DYNC2I1: variants seen among roughly 807,000 people sequenced by gnomAD.
The protein encoded by DYNC2I1 is dynein 2 intermediate chain 1, also known as cytoplasmic dynein 2 intermediate chain 1.
DYNC2I1 carries 89 observed loss-of-function variants against 133.4 expected under a neutral mutation model. The ratio of observed to expected loss-of-function variants is 0.67; its 90% CI spans 0.56 to 0.80. The LOEUF (loss-of-function observed/expected upper bound fraction) is 0.80. Ranked by LOEUF, DYNC2I1 falls within the 30% of genes least tolerant of loss-of-function variation. DYNC2I1 has a pLI of 0.00. For missense variants in DYNC2I1, 1,291 were observed against 1,314.5 expected (o/e 0.98, Z 0.28); for synonymous variants, 504 against 484.3 (o/e 1.04, Z -0.54).
At chr7:158,852,038 A>G (rs1004189828), upstream of DYNC2I1, among the ~76,000 whole-genome samples, 1 of 152,150 alleles carries the variant, frequency 6.6e-6, no homozygotes, top group Admixed American at 6.5e-5. Flanking sequence ...ATCTGTTTTC[A>G]TGGCCAGTGC....
At chr7:158,956,939 C>G (rs920635370), downstream of DYNC2I1, among the ~76,000 whole-genome samples, 30 of 152,264 alleles carry the variant, frequency 2.0e-4, no homozygotes, top group Middle Eastern at 3.4e-3. Flanking sequence ...ACGGGCAGGG[C>G]TCCCGTGAGC....
At chr7:158,916,098 G>A (rs6977594) in intron 14 of DYNC2I1, among the ~76,000 whole-genome samples, 3,918 of 42,430 alleles carry the variant, frequency 0.092, 1,691 homozygotes, top group East Asian at 0.38. Context: ...ATTGTGAAAC[G>A]TCGACACGCT....
At chr7:158,844,292 C>T in the DYNC2I1 span, among the ~76,000 whole-genome samples, 1 of 151,694 alleles carries the variant, frequency 6.6e-6, no homozygotes, top group African/African-American at 2.4e-5. Flanking sequence ...TGTTCGTTAA[C>T]CAAAATGCAA....
At position 158,858,996 on chromosome 7, in the gene DYNC2I1, C is replaced by T. The variant is rs938893081; in HGVS notation, c.15+2246C>T. ...CCCTTTCCTCCCCTCCCCCCCTTTCCTTTCCTCTCCTTTCCTTTCTTCAGA... is the reference window on the plus strand; with the variant it reads ...CCCTTTCCTCCCCTCCCCCCCTTTCTTTTCCTCTCCTTTCCTTTCTTCAGA... On this transcript the variant is annotated intron_variant, in intron 1 of 24. Coordinates refer to ENST00000407559, the MANE Select transcript of DYNC2I1 (RefSeq NM_018051.5). Among the ~76,000 whole-genome samples, 7 of 116,624 alleles carry T rather than the reference C, an allele frequency of 6.0e-5. No individual in the cohort carries two copies. In the East Asian group the frequency reaches 1.6e-3, roughly 27 times the overall value. 76.5% of individuals were successfully genotyped at this position (116,624 alleles called of 152,430 possible). A position where few individuals can be genotyped will look rare whatever the true frequency, so the allele number is the denominator to read the frequency against.
the DYNC2I1 span, among the ~76,000 whole-genome samples, chr7:158,843,176 C>T: frequency 5.3e-5 from 8 of 152,162 alleles, no homozygotes; most frequent in African/African-American, 1.7e-4. Flanking sequence ...CTTACTGCAG[C>T]GTCCACCTCC....
At chr7:158,876,544 T>C (rs1444483223) in intron 3 of DYNC2I1, 65 bp from the exon 4 acceptor site, 4 of 1,494,492 alleles carry the variant, frequency 2.7e-6, no homozygotes, top group Non-Finnish European at 3.5e-6. Context: ...CATAGCAAGA[T>C]GTTAAAAGAG....
chr7:158,951,402 G>A (rs1385136913), intron 4 of DYNC2I1, among the ~76,000 whole-genome samples: 1 of 152,258 alleles, frequency 6.6e-6, no homozygotes, highest in East Asian at 1.9e-4. Context: ...AAGTGGGAGT[G>A]AAGCAAAGAC....
upstream of DYNC2I1, among the ~76,000 whole-genome samples, chr7:158,856,002 C>T (rs1180310629): frequency 3.6e-5 from 5 of 140,028 alleles, no homozygotes; most frequent in Admixed American, 2.3e-4. Context: ...AGTGCAGTGG[C>T]GTGATCTCCG....
intron 20 of DYNC2I1, among the ~76,000 whole-genome samples, chr7:158,928,385 A>C (rs972450139): frequency 6.6e-6 from 1 of 151,840 alleles, no homozygotes; most frequent in Non-Finnish European, 1.5e-5. Flanking sequence ...CTGGCAAAAA[A>C]TAATATGAGT....
chr7:158,947,097 G>T (rs1851910384), downstream of DYNC2I1, among the ~76,000 whole-genome samples: 1 of 152,216 alleles, frequency 6.6e-6, no homozygotes, highest in African/African-American at 2.4e-5. Flanking sequence ...TGCTGTGTCA[G>T]TAGAGTCTTA....
chr7:158,930,349 C>G (rs1850096051), intron 20 of DYNC2I1, 106 bp from the exon 21 acceptor site: 1 of 995,442 alleles, frequency 1.0e-6, no homozygotes, highest in Non-Finnish European at 1.6e-6. Context: ...ATGTTATTTC[C>G]TAACACAGAT....
intron 13 of DYNC2I1, 55 bp from the exon 14 acceptor site, chr7:158,914,178 T>A (rs1847775609): frequency 1.4e-6 from 2 of 1,433,706 alleles, no homozygotes; most frequent in South Asian, 1.2e-5. Flanking sequence ...AGATGTGTAA[T>A]GCATGATTAT....
chr7:158,841,197 A>ATATATATATATATATATATATATG, the DYNC2I1 span, among the ~76,000 whole-genome samples: 1 of 42,088 alleles, frequency 2.4e-5, no homozygotes, highest in African/African-American at 1.2e-4. Context: ...ATATATATAT[A>ATATATATATATATATATATATATG]TATATATATA....
Position 158,914,232 on chromosome 7 carries a change from G to A in DYNC2I1, c.1703-1G>A, listed in dbSNP as rs1246073561. 6.2e-7 allele frequency: 1 copy of A among 1,604,854 alleles called. No individual in the cohort carries two copies. The highest frequency in any genetic ancestry group is 8.5e-7 in the Non-Finnish European group (1 of 1,175,316). On this transcript the variant is annotated splice_acceptor_variant, in intron 13 of 24. Coordinates refer to ENST00000407559, the MANE Select transcript of DYNC2I1 (RefSeq NM_018051.5). LOFTEE classifies it high-confidence loss of function. ...GATTTTATATAAACTGTTTTTTTTA[G>A]GCAGTGAACAAAGAGATACCTCTGA...
At chr7:158,887,488 T>C (rs1844716130) in intron 7 of DYNC2I1, among the ~76,000 whole-genome samples, 1 of 152,124 alleles carries the variant, frequency 6.6e-6, no homozygotes, top group Non-Finnish European at 1.5e-5. Flanking sequence ...CTGACAGAAT[T>C]GAAGGGAGAA....
intron 8 of DYNC2I1, 112 bp downstream of exon 8, chr7:158,891,445 A>G: frequency 8.6e-7 from 1 of 1,167,616 alleles, no homozygotes; most frequent in South Asian, 1.3e-5. Context: ...TCCCTTTCAG[A>G]CAGCAGAACA....
upstream of DYNC2I1, among the ~76,000 whole-genome samples, chr7:158,853,880 C>T (rs947523427): frequency 1.3e-5 from 2 of 151,956 alleles, no homozygotes; most frequent in African/African-American, 2.4e-5. Context: ...CTCAAACTCC[C>T]GACCTCAGGT....
intron 1 of DYNC2I1, among the ~76,000 whole-genome samples, chr7:158,864,298 A>G (rs1218686737): frequency 6.6e-6 from 1 of 152,090 alleles, no homozygotes; most frequent in Non-Finnish European, 1.5e-5. Context: ...TCAGCGCTAT[A>G]CCACTGGGTC....
intron 16 of DYNC2I1, among the ~76,000 whole-genome samples, chr7:158,923,077 G>A (rs779891120): frequency 2.7e-4 from 41 of 152,180 alleles, no homozygotes; most frequent in Admixed American, 1.2e-3. Context: ...AGGACTGTGC[G>A]GTGAGGGGTC....
Sources: allele counts gnomAD v4.1 joint callset (sites outside exome capture counted in the v4.1 genomes callset), GRCh38; gene constraint gnomAD v4.1.1; transcripts MANE v1.5; gene names NCBI Gene and HGNC (gene_info 2026-07-23, HGNC 2026-07-21).